Variants in NUTM2G observed in about 807,000 individuals in gnomAD.
The protein encoded by NUTM2G is NUT family member 2G.
A neutral mutation model predicts 44.3 loss-of-function variants in NUTM2G; 29 were observed. The ratio of observed to expected loss-of-function variants is 0.66; its 90% confidence interval spans 0.49 to 0.89. The LOEUF is 0.89. NUTM2G is among the 40% of genes least tolerant of loss of function. The probability of loss-of-function intolerance (pLI) is 0.00; values close to 1 mark genes in which losing one functional copy is unlikely to be tolerated. For synonymous variants in NUTM2G, 205 were observed against 395.9 expected (o/e 0.52, Z 5.72); for missense variants, 502 against 946.5 (o/e 0.53, Z 6.16).
Position 96,932,032 on chromosome 9 carries a change from G to T in NUTM2G, c.327G>T (p.Trp109Cys), listed in dbSNP as rs1240041360. Residue 109 changes from tryptophan (W) to cysteine (C), a missense_variant, in exon 2 of 7, where the codon TGG becomes TGT. Transcript: ENST00000372322. ...TCCTAACTCAGGCCCCCCTCGTCTG[G>T]CAGGCTCCAGGCACCCTCTGTGGAG... ...TLILTQAPLV[W>C]QAPGTLCGGV... 6.2e-7 allele frequency: 1 copy of T among 1,609,944 alleles called. No homozygotes were observed. Among genetic ancestry groups the T allele is most frequent in the Admixed American group, 1.7e-5 (1 of 59,732 alleles).
chr9:96,936,448 A>T lies in NUTM2G; in HGVS notation c.866A>T (p.Glu289Val). 1 of 1,578,362 alleles carries T rather than the reference A, an allele frequency of 6.3e-7. No individual in the cohort carries two copies. The highest frequency in any genetic ancestry group is 8.5e-7 in the Non-Finnish European group (1 of 1,170,504). The change falls in exon 4 of 7, where the codon GAG (glutamate) becomes GTG (valine). Residue 289 changes from glutamate (E) to valine (V), a missense_variant. Coordinates refer to ENST00000372322, the MANE Select transcript of NUTM2G (RefSeq NM_001170741.3). The stretch of plus-strand genomic sequence containing the variant: ...AGGTTCCTGGAGTTTGAGGCTGAGG[A>T]GGAGATGCAGATTCAGAAATCGCAG... Reference protein sequence around the residue: ...AAKFLEFEAEEEMQIQKSQWM... With the variant: ...AAKFLEFEAEVEMQIQKSQWM...
At chr9:96,930,879 T>TG (rs1564030382) in intron 1 of NUTM2G, among the ~76,000 whole-genome samples, 1 of 61,486 alleles carries the variant, frequency 1.6e-5, no homozygotes, top group Admixed American at 1.5e-4. Flanking sequence ...GTGGTTTTTT[T>TG]TTTTTTTTTT....
At position 96,935,339 on chromosome 9, in the gene NUTM2G, G is replaced by C. The variant is rs551857860; in HGVS notation, c.725G>C (p.Arg242Pro). The change falls in exon 3 of 7, where the codon CGA (arginine) becomes CCA (proline). Residue 242 changes from arginine (R) to proline (P), a missense_variant. Physicochemically the swap from Arg to Pro is moderately radical, Grantham distance 103. Coordinates refer to ENST00000372322, the MANE Select transcript of NUTM2G (RefSeq NM_001170741.3). Reference protein sequence around the residue: ...ALSCFLIPVLRSLARRKPTMT... With the variant: ...ALSCFLIPVLPSLARRKPTMT... Reference sequence around the variant, plus strand: ...GCACTGGTTTACAGCCCAGTTCTCCGATCCCTGGCCCGGCGGAAGCCCACC... The same window carrying C: ...GCACTGGTTTACAGCCCAGTTCTCCCATCCCTGGCCCGGCGGAAGCCCACC... 1.2e-6 allele frequency: 2 copies of C among 1,612,006 alleles called. No homozygotes were observed. The highest frequency in any genetic ancestry group is 1.7e-6 in the Non-Finnish European group (2 of 1,179,858).
At chr9:96,936,661 G>T (rs1454122635) in intron 4 of NUTM2G, 97 bp downstream of exon 4, 4 of 1,486,902 alleles carry the variant, frequency 2.7e-6, no homozygotes, top group Non-Finnish European at 3.6e-6. Flanking sequence ...TCAAGAGGGG[G>T]ATTTGCTCCC....
At position 96,928,892 on chromosome 9, in the gene NUTM2G, T is replaced by C; in HGVS notation, c.-133T>C. 1.0e-6 allele frequency: 1 copy of C among 984,396 alleles called. No homozygotes were observed. Among genetic ancestry groups the C allele is most frequent in the Non-Finnish European group, 1.5e-6 (1 of 655,388 alleles). 61.0% of individuals were successfully genotyped at this position (984,396 alleles called of 1,614,324 possible). ...TGGGGTCCTGTGTTCCAAACCTGTT[T>C]ATATGCAAATTATCCCTGCTCCACT... On this transcript the variant is annotated 5_prime_UTR_variant, in exon 1 of 7. Transcript: ENST00000372322.
At chr9:96,930,918 G>A (rs1474993823) in intron 1 of NUTM2G, among the ~76,000 whole-genome samples, 5 of 89,238 alleles carry the variant, frequency 5.6e-5, no homozygotes, top group East Asian at 3.7e-4. Context: ...TTTTTGAGAC[G>A]GAGTCTCGCT....
At chr9:96,937,558 CTGTG>C (rs956180931) in intron 5 of NUTM2G, among the ~76,000 whole-genome samples, 154 bp downstream of exon 5, 43 of 151,576 alleles carry the variant, frequency 2.8e-4, no homozygotes, top group East Asian at 1.6e-3. Context: ...CTGTGTGTTG[CTGTG>C]TGTTTGTGTC....
downstream of NUTM2G, chr9:96,942,965 C>G (rs1826629418): frequency 6.6e-6 from 1 of 151,084 alleles, no homozygotes; most frequent in Non-Finnish European, 1.5e-5. Flanking sequence ...AATAAAACCC[C>G]AAGGCACAAA....
At chr9:96,930,507 G>A (rs1826204898) in intron 1 of NUTM2G, among the ~76,000 whole-genome samples, 1 of 140,490 alleles carries the variant, frequency 7.1e-6, no homozygotes, top group Non-Finnish European at 1.5e-5. Flanking sequence ...CTGGGTGACA[G>A]AGCGAGACTC....
chr9:96,930,856 G>A (rs1458386294), intron 1 of NUTM2G, among the ~76,000 whole-genome samples: 1 of 143,180 alleles, frequency 7.0e-6, no homozygotes, highest in African/African-American at 2.6e-5. Context: ...TGGCTTGGGC[G>A]AGTTTCCATC....
Position 96,937,935 on chromosome 9 carries a change from T to G in NUTM2G, c.1374T>G (p.Asp458Glu). Reference sequence around the variant, plus strand: ...TCCTGGAAGAATTGCTTTCCCCAGATCCACAGATGGATTTCTTGGCCCTAA... The same window carrying G: ...TCCTGGAAGAATTGCTTTCCCCAGAGCCACAGATGGATTTCTTGGCCCTAA... ...PRFLEELLSP[D>E]PQMDFLALSQ... Residue 458 changes from aspartate to glutamate, a missense_variant, in exon 6 of 7, where the codon GAT becomes GAG. Asp to Glu is a conservative substitution (Grantham distance 45, BLOSUM62 2). Coordinates refer to ENST00000372322, the MANE Select transcript of NUTM2G (RefSeq NM_001170741.3). The G allele has an allele frequency of 6.2e-7, 1 of 1,611,796 alleles. No homozygotes were observed. Among genetic ancestry groups the G allele is most frequent in the Non-Finnish European group, 8.5e-7 (1 of 1,179,788 alleles).
At chr9:96,935,270 G>C in intron 2 of NUTM2G, 58 bp from the exon 3 acceptor site, 1 of 1,609,702 alleles carries the variant, frequency 6.2e-7, no homozygotes, top group Non-Finnish European at 8.5e-7. Flanking sequence ...GTTGGGACCA[G>C]GTGGGCCCGG....
chr9:96,940,815 C>A (rs1003787018), downstream of NUTM2G, among the ~76,000 whole-genome samples: 3 of 152,280 alleles, frequency 2.0e-5, no homozygotes, highest in African/African-American at 7.2e-5. Context: ...ACACAGCAGT[C>A]AGCCAGACAG....
intron 2 of NUTM2G, among the ~76,000 whole-genome samples, chr9:96,934,265 C>T (rs981905949): frequency 5.3e-5 from 8 of 152,198 alleles, no homozygotes; most frequent in African/African-American, 1.9e-4. Flanking sequence ...CTTTGTTTCC[C>T]GCTGATGAGC....
chr9:96,940,246 C>T (rs1826561465), downstream of NUTM2G: 1 of 150,932 alleles, frequency 6.6e-6, no homozygotes, highest in Non-Finnish European at 1.5e-5. Context: ...GGCACAGACC[C>T]CAAGGGCAGA....
intron 5 of NUTM2G, 55 bp from the exon 6 acceptor site, chr9:96,937,830 G>C (rs1010383204): frequency 1.9e-6 from 3 of 1,598,454 alleles, no homozygotes; most frequent in Admixed American, 3.3e-5. Context: ...GGGTGTCCTT[G>C]GCTCCAGGTT....
chr9:96,930,872 GTTTTTTTTTTTTTTTTTT>G (rs1168888338), intron 1 of NUTM2G, among the ~76,000 whole-genome samples: 45 of 72,708 alleles, frequency 6.2e-4, no homozygotes, highest in African/African-American at 1.3e-3. Context: ...CCATCCAGTG[GTTTTTTTTTTTTTTTTTT>G]TTTTTTTTTT....
chr9:96,931,620 C>A (rs1826245342), intron 1 of NUTM2G, 102 bp from the exon 2 acceptor site: 4 of 1,232,008 alleles, frequency 3.2e-6, no homozygotes, highest in Non-Finnish European at 4.6e-6. Flanking sequence ...TGCAGAGTTT[C>A]CCTGTCACAT....
intron 2 of NUTM2G, among the ~76,000 whole-genome samples, chr9:96,934,153 G>A (rs1826356669): frequency 6.6e-6 from 1 of 152,090 alleles, no homozygotes; most frequent in Non-Finnish European, 1.5e-5. Flanking sequence ...GCCCAGAGCC[G>A]TGGACTGTGG....
Sources: allele counts gnomAD v4.1 joint callset (sites outside exome capture counted in the v4.1 genomes callset), GRCh38; gene constraint gnomAD v4.1.1; transcripts MANE v1.5; gene names NCBI Gene and HGNC (gene_info 2026-07-23, HGNC 2026-07-21).